Variants in AIRIM observed in about 807,000 individuals in gnomAD.
AIRIM encodes AFG2 interacting ribosome maturation factor, also known as AFG2-interacting ribosome maturation factor.
the AIRIM span, among the ~76,000 whole-genome samples, chr1:37,687,630 T>A: frequency 6.6e-6 from 1 of 151,926 alleles, no homozygotes; most frequent in African/African-American, 2.4e-5. Flanking sequence ...GCTCTTGGAA[T>A]CCCAGCTACT....
chr1:37,688,833 G>C, the AIRIM span, among the ~76,000 whole-genome samples: 1 of 152,130 alleles, frequency 6.6e-6, no homozygotes, highest in Non-Finnish European at 1.5e-5. Flanking sequence ...GGGCATGGAA[G>C]TGCACGCTTG....
the AIRIM span, chr1:37,683,364 C>G: frequency 6.2e-7 from 1 of 1,614,046 alleles, no homozygotes; most frequent in Non-Finnish European, 8.5e-7. Flanking sequence ...CGGTCCCAGG[C>G]CTTGGGCAAA....
At chr1:37,690,554 G>A in the AIRIM span, 1 of 1,095,300 alleles carries the variant, frequency 9.1e-7, no homozygotes, top group Non-Finnish European at 1.2e-6. Context: ...TCCCCACAAA[G>A]CTACTCCGCG....
the AIRIM span, chr1:37,681,731 T>TA: frequency 6.6e-6 from 1 of 152,192 alleles, no homozygotes; most frequent in South Asian, 2.1e-4. Context: ...CCTTTACAGA[T>TA]AGGCAAACAC....
the AIRIM span, among the ~76,000 whole-genome samples, chr1:37,684,807 G>C: frequency 6.6e-6 from 1 of 152,070 alleles, no homozygotes; most frequent in Non-Finnish European, 1.5e-5. Flanking sequence ...TGGGGTTTGG[G>C]AATTATTCAC....
the AIRIM span, chr1:37,690,108 C>G: frequency 7.6e-7 from 1 of 1,311,468 alleles, no homozygotes; most frequent in Non-Finnish European, 1.0e-6. Flanking sequence ...CCTCCGCATC[C>G]CGGGTTCAAG....
chr1:37,684,290 CCTT>C, the AIRIM span: 1 of 152,216 alleles, frequency 6.6e-6, no homozygotes, highest in Non-Finnish European at 1.5e-5. Context: ...AGCTCTTGCT[CCTT>C]CTGCCCATGC....
the AIRIM span, among the ~76,000 whole-genome samples, chr1:37,685,727 G>C: frequency 1.3e-5 from 2 of 151,950 alleles, no homozygotes; most frequent in East Asian, 1.9e-4. Context: ...CTAGAAAGTC[G>C]AGCCCCCTGT....
the AIRIM span, among the ~76,000 whole-genome samples, chr1:37,684,392 T>C: frequency 3.9e-5 from 6 of 152,202 alleles, no homozygotes; most frequent in Admixed American, 6.5e-5. Flanking sequence ...TCTCAGCACT[T>C]TGGGAGGCCT....
chr1:37,685,679 C>T, the AIRIM span, among the ~76,000 whole-genome samples: 3 of 152,154 alleles, frequency 2.0e-5, no homozygotes, highest in African/African-American at 4.8e-5. Flanking sequence ...TGAGCCACCA[C>T]GCCCAGACCC....
the AIRIM span, chr1:37,690,330 T>C: frequency 3.9e-6 from 5 of 1,290,218 alleles, no homozygotes; most frequent in African/African-American, 4.6e-5. Flanking sequence ...TCGGGAAGGG[T>C]AACCTGGATA....
chr1:37,687,084 G>A, the AIRIM span, among the ~76,000 whole-genome samples: 1 of 150,598 alleles, frequency 6.6e-6, no homozygotes, highest in South Asian at 2.1e-4. Flanking sequence ...GTGTGTGTGT[G>A]TGTGTGTGTG....
At chr1:37,686,248 G>T in the AIRIM span, 1 of 1,590,902 alleles carries the variant, frequency 6.3e-7, no homozygotes, top group South Asian at 1.1e-5. Flanking sequence ...CTCTGGCTGT[G>T]ACCTGAAATG....
the AIRIM span, chr1:37,686,232 G>GT: frequency 6.4e-7 from 1 of 1,553,488 alleles, no homozygotes; most frequent in Non-Finnish European, 8.7e-7. Flanking sequence ...GAAAGACTTA[G>GT]AACAGCTCTG....
At chr1:37,683,111 C>G in the AIRIM span, 1 of 1,611,604 alleles carries the variant, frequency 6.2e-7, no homozygotes, top group Non-Finnish European at 8.5e-7. Flanking sequence ...TCTCCAGATA[C>G]GCATAGCTTC....
At chr1:37,684,532 T>C in the AIRIM span, among the ~76,000 whole-genome samples, 3 of 152,098 alleles carry the variant, frequency 2.0e-5, no homozygotes, top group Admixed American at 1.3e-4. Context: ...GGCAGGAGAA[T>C]TGCTTGAACT....
chr1:37,688,577 C>A, the AIRIM span, among the ~76,000 whole-genome samples: 1 of 152,094 alleles, frequency 6.6e-6, no homozygotes, highest in East Asian at 1.9e-4. Context: ...ATTCTTGGCA[C>A]CTTGTGCTTG....
At chr1:37,686,362 A>T in the AIRIM span, 1 of 1,614,112 alleles carries the variant, frequency 6.2e-7, no homozygotes, top group Non-Finnish European at 8.5e-7. Context: ...GGACAGCATC[A>T]ATGCCAACTG....
At chr1:37,689,574 C>A in the AIRIM span, 3 of 1,537,426 alleles carry the variant, frequency 2.0e-6, no homozygotes, top group South Asian at 3.7e-5. Flanking sequence ...TAAAATCCTT[C>A]CACCAAGAAA....
Sources: gnomAD v4.1 joint callset for allele counts (sites outside exome capture counted in the v4.1 genomes callset) on GRCh38, gnomAD v4.1.1 for gene constraint, MANE v1.5 for transcripts, NCBI Gene and HGNC (gene_info 2026-07-23, HGNC 2026-07-21) for gene names.